The following EEFSEC variants were observed in gnomAD, a reference collection of about 807,000 sequenced individuals.
EEFSEC encodes the protein selenocysteine-specific elongation factor.
EEFSEC carries 43 observed loss-of-function variants against 42.1 expected under a neutral mutation model. The ratio of observed to expected loss-of-function variants is 1.02; its 90% CI spans 0.80 to 1.32. EEFSEC has a LOEUF of 1.32. Among genes scored for constraint, EEFSEC ranks in the 40% most tolerant of loss-of-function variants. The pLI, the probability that EEFSEC is intolerant of heterozygous loss-of-function variation, is 0.00. For synonymous variants in EEFSEC, 354 were observed against 339.1 expected (o/e 1.04, Z -0.48); for missense variants, 745 against 803.6 (o/e 0.93, Z 0.88).
chr3:128,263,830 C>T (rs889563855), intron 3 of EEFSEC, among the ~76,000 whole-genome samples: 2 of 152,194 alleles, frequency 1.3e-5, no homozygotes, highest in Admixed American at 6.5e-5. Context: ...GGAGAATCGG[C>T]TGGTGAGGCT....
At chr3:128,238,514 G>GT (rs147767822) in intron 1 of EEFSEC, among the ~76,000 whole-genome samples, 1 of 152,108 alleles carries the variant, frequency 6.6e-6, no homozygotes, top group African/African-American at 2.4e-5. Flanking sequence ...GTTATTCGGG[G>GT]TTTTTTGGGG....
At chr3:128,230,321 T>C (rs957199320) in intron 1 of EEFSEC, among the ~76,000 whole-genome samples, 1 of 152,176 alleles carries the variant, frequency 6.6e-6, no homozygotes, top group Admixed American at 6.5e-5. Flanking sequence ...AATTTTTGTT[T>C]TTTAAATTTG....
chr3:128,297,978 G>C (rs927480649), intron 4 of EEFSEC, among the ~76,000 whole-genome samples: 14 of 152,210 alleles, frequency 9.2e-5, no homozygotes, highest in Non-Finnish European at 4.4e-5. Flanking sequence ...CCCTGGGACA[G>C]CCAAGGAGGG....
At chr3:128,349,889 G>A (rs1225380752) in intron 5 of EEFSEC, among the ~76,000 whole-genome samples, 1 of 152,198 alleles carries the variant, frequency 6.6e-6, no homozygotes, top group African/African-American at 2.4e-5. Context: ...GGTAAACAGT[G>A]GGTATCATCA....
At chr3:128,237,442 G>A (rs1052216823) in intron 1 of EEFSEC, among the ~76,000 whole-genome samples, 2 of 151,940 alleles carry the variant, frequency 1.3e-5, no homozygotes, top group African/African-American at 4.8e-5. Flanking sequence ...TCATGTGTAT[G>A]GTAGACATCC....
At chr3:128,254,303 C>T (rs79794265) in intron 2 of EEFSEC, among the ~76,000 whole-genome samples, 1,693 of 152,280 alleles carry the variant, frequency 0.011, 11 homozygotes, top group Non-Finnish European at 0.017. Context: ...GGAGCACAGG[C>T]CAGGAACTGG....
At chr3:128,247,745 G>A (rs2066142726) in intron 2 of EEFSEC, among the ~76,000 whole-genome samples, 1 of 152,180 alleles carries the variant, frequency 6.6e-6, no homozygotes, top group African/African-American at 2.4e-5. Flanking sequence ...CTGGCTGCAG[G>A]TGGAAGGCTG....
At chr3:128,379,977 T>C (rs934613076) in intron 6 of EEFSEC, among the ~76,000 whole-genome samples, 31 of 152,358 alleles carry the variant, frequency 2.0e-4, no homozygotes, top group African/African-American at 7.0e-4. Flanking sequence ...CCTCGGCCCC[T>C]GTGTGTTGGG....
At chr3:128,231,595 G>T (rs2065959412) in intron 1 of EEFSEC, among the ~76,000 whole-genome samples, 1 of 152,210 alleles carries the variant, frequency 6.6e-6, no homozygotes, top group African/African-American at 2.4e-5. Flanking sequence ...TGGAGCAGGG[G>T]CTCCAACTCA....
At chr3:128,338,803 G>A (rs551018976) in intron 4 of EEFSEC, among the ~76,000 whole-genome samples, 1 of 152,186 alleles carries the variant, frequency 6.6e-6, no homozygotes, top group Non-Finnish European at 1.5e-5. Context: ...GTGGGGCGGT[G>A]GAGGGGGTAC....
the EEFSEC span, among the ~76,000 whole-genome samples, chr3:128,414,512 A>C: frequency 5.3e-5 from 8 of 152,210 alleles, no homozygotes; most frequent in Non-Finnish European, 1.2e-4. Context: ...GCTGGGGCTC[A>C]GACCAGGCTA....
the EEFSEC span, among the ~76,000 whole-genome samples, chr3:128,422,827 G>C: frequency 6.6e-6 from 1 of 152,232 alleles, no homozygotes; most frequent in Non-Finnish European, 1.5e-5. Flanking sequence ...GCTGGTCCCA[G>C]ACAGTCACCA....
chr3:128,237,792 A>G (rs2066028420), intron 1 of EEFSEC, among the ~76,000 whole-genome samples: 1 of 152,100 alleles, frequency 6.6e-6, no homozygotes, highest in Non-Finnish European at 1.5e-5. Context: ...CACTGCTGAC[A>G]TGCTCTCATT....
chr3:128,407,910 C>T (rs1030781090), intron 6 of EEFSEC, among the ~76,000 whole-genome samples, 159 bp from the exon 7 acceptor site: 1 of 152,120 alleles, frequency 6.6e-6, no homozygotes, highest in East Asian at 1.9e-4. Flanking sequence ...AGATGGGTGC[C>T]GGAGGGACCA....
intron 6 of EEFSEC, among the ~76,000 whole-genome samples, chr3:128,364,940 C>T (rs868854284): frequency 2.6e-5 from 4 of 152,338 alleles, no homozygotes; most frequent in South Asian, 2.1e-4. Context: ...CCAGGGAGAT[C>T]GAGCAGAGGG....
At chr3:128,324,653 T>G (rs753502502) in intron 4 of EEFSEC, among the ~76,000 whole-genome samples, 13 of 151,976 alleles carry the variant, frequency 8.6e-5, no homozygotes, top group Non-Finnish European at 1.9e-4. Context: ...GACAGAAGAG[T>G]GCACTTTCTA....
chr3:128,160,802 G>A (rs572960796), intron 1 of EEFSEC, among the ~76,000 whole-genome samples: 19 of 151,814 alleles, frequency 1.3e-4, no homozygotes, highest in South Asian at 2.1e-4. Flanking sequence ...GCACACACAC[G>A]CGCGCACACA....
At chr3:128,367,573 CCTGTTTCCACAAGG>C in intron 6 of EEFSEC, 1 of 939,044 alleles carries the variant, frequency 1.1e-6, no homozygotes, top group Non-Finnish European at 1.3e-6. Flanking sequence ...AGAGCCACAT[CCTGTTTCCACAAGG>C]CCTACCTCAG....
At chr3:128,358,504 G>A in intron 6 of EEFSEC, 131 bp downstream of exon 6, 1 of 1,322,324 alleles carries the variant, frequency 7.6e-7, no homozygotes, top group Non-Finnish European at 1.0e-6. Context: ...GGGGTGACTT[G>A]GCCTGCCTGG....
Sources: allele counts gnomAD v4.1 joint callset (sites outside exome capture counted in the v4.1 genomes callset), GRCh38; gene constraint gnomAD v4.1.1; transcripts MANE v1.5; gene names NCBI Gene and HGNC (gene_info 2026-07-23, HGNC 2026-07-21).